PHF21B: variants seen among roughly 807,000 people sequenced by gnomAD.
PHF21B encodes PHD finger protein 4.
PHF21B carries 22 observed loss-of-function variants against 62.2 expected under a neutral mutation model. The ratio of observed to expected loss-of-function variants is 0.35; its 90% CI spans 0.25 to 0.51. The LOEUF (loss-of-function observed/expected upper bound fraction) is 0.51, where lower values mean the gene tolerates loss of function less well. PHF21B is among the 20% of genes least tolerant of loss of function. PHF21B has a pLI of 0.97. For missense variants in PHF21B, 701 were observed against 707.9 expected (o/e 0.99, Z 0.11); for synonymous variants, 341 against 314.7 (o/e 1.08, Z -0.88).
intron 5 of PHF21B, among the ~76,000 whole-genome samples, chr22:44,906,537 C>T (rs1042932622): frequency 6.6e-6 from 1 of 152,216 alleles, no homozygotes; most frequent in African/African-American, 2.4e-5. Flanking sequence ...CAGCCAGACT[C>T]ATTCAGATGC....
intron 2 of PHF21B, among the ~76,000 whole-genome samples, chr22:44,962,286 T>C (rs1173641987): frequency 8.5e-5 from 13 of 152,210 alleles, no homozygotes; most frequent in Non-Finnish European, 1.5e-5. Flanking sequence ...TAATGATCTG[T>C]AGATGTGCCT....
chr22:44,906,520 T>C (rs912866043), intron 5 of PHF21B, among the ~76,000 whole-genome samples: 4 of 152,134 alleles, frequency 2.6e-5, no homozygotes, highest in African/African-American at 9.7e-5. Context: ...GTGTACTGAT[T>C]TGAGGGCAGC....
chr22:44,934,223 C>T (rs1167233645), intron 2 of PHF21B, among the ~76,000 whole-genome samples: 3 of 152,180 alleles, frequency 2.0e-5, no homozygotes, highest in Admixed American at 6.5e-5. Context: ...TCAGGTGCCG[C>T]TGGCCCTCAC....
chr22:44,885,775 T>C lies in PHF21B; in HGVS notation c.1273+88A>G. ...GCCCTGAAGGGAATGGACCCACCTG[T>C]CCTCCCACAGGACCAGGTGAGCCCA... On this transcript the variant is annotated intron_variant, in intron 11 of 12. Coordinates refer to ENST00000313237, the MANE Select transcript of PHF21B (RefSeq NM_138415.5). The C allele has an allele frequency of 4.5e-6, 6 of 1,344,548 alleles. No homozygotes were observed. The South Asian group carries it at 7.8e-5, about 17-fold the overall frequency. The allele number at this position is 1,344,548 out of a possible 1,614,324, so 83.3% of individuals were successfully genotyped here. A position where few individuals can be genotyped will look rare whatever the true frequency, so the allele number is the denominator to read the frequency against.
At chr22:44,929,968 G>T (rs1024866277) in intron 2 of PHF21B, among the ~76,000 whole-genome samples, 1 of 152,180 alleles carries the variant, frequency 6.6e-6, no homozygotes, top group Non-Finnish European at 1.5e-5. Flanking sequence ...AGGCAAGCTG[G>T]GATCCACCCA....
rs1601564197 is a variant in PHF21B at position 44,888,130 on chromosome 22, G to C, written c.1039-9C>G. The C allele has an allele frequency of 6.6e-7, 1 of 1,517,162 alleles. No individual in the cohort carries two copies. The highest frequency in any genetic ancestry group is 8.9e-7 in the Non-Finnish European group (1 of 1,128,940). 94.0% of individuals were successfully genotyped at this position (1,517,162 alleles called of 1,614,324 possible). A position where few individuals can be genotyped will look rare whatever the true frequency, so the allele number is the denominator to read the frequency against. ...TCGTGGGTGATCTCGTTCTGGAAGAGAAGGGAGGGCAGGAGACAGGTCAGC... is the reference window on the plus strand; with the variant it reads ...TCGTGGGTGATCTCGTTCTGGAAGACAAGGGAGGGCAGGAGACAGGTCAGC... On this transcript the variant is annotated splice_polypyrimidine_tract_variant and intron_variant, in intron 9 of 12. Transcript: ENST00000313237.
rs760243400 is a variant in PHF21B at position 44,896,037 on chromosome 22, A to G, written c.878T>C (p.Leu293Ser). ...CTACCTGGATCCTTCCTTACCTTCCAAATGTTCCGTGGTAACCAGGCCTAG... is the reference window on the plus strand; with the variant it reads ...CTACCTGGATCCTTCCTTACCTTCCGAATGTTCCGTGGTAACCAGGCCTAG... ...VALGLVTTEHLEEIQSKRQER... is the reference protein window; with the variant it reads ...VALGLVTTEHSEEIQSKRQER... Residue 293 changes from leucine to serine, a missense_variant, in exon 6 of 13, where the codon TTG (leucine) becomes TCG (serine). By Grantham distance (145) the Leu-to-Ser change is moderately radical (BLOSUM62 -2). Coordinates refer to ENST00000313237, the MANE Select transcript of PHF21B (RefSeq NM_138415.5). 2 of 1,614,128 alleles carry G rather than the reference A, an allele frequency of 1.2e-6. No homozygotes were observed. The highest frequency in any genetic ancestry group is 3.3e-5 in the Admixed American group (2 of 60,028).
chr22:44,986,128 CCAGCAG>C (rs1369000397), intron 2 of PHF21B, among the ~76,000 whole-genome samples: 1 of 150,550 alleles, frequency 6.6e-6, no homozygotes, highest in Non-Finnish European at 1.5e-5. Context: ...ACAACCATCA[CCAGCAG>C]CAGCACCACC....
chr22:44,883,738 G>C (rs2070778936), intron 12 of PHF21B, among the ~76,000 whole-genome samples: 1 of 152,126 alleles, frequency 6.6e-6, no homozygotes, highest in South Asian at 2.1e-4. Flanking sequence ...ACAAGGAAAA[G>C]CAGTAAGGAC....
chr22:44,991,877 T>C (rs1259715783), intron 2 of PHF21B, among the ~76,000 whole-genome samples: 1 of 152,268 alleles, frequency 6.6e-6, no homozygotes, highest in Non-Finnish European at 1.5e-5. Flanking sequence ...CTTCACTTTC[T>C]TTGGTTTCTT....
intron 2 of PHF21B, among the ~76,000 whole-genome samples, chr22:44,959,362 T>C (rs1414701072): frequency 7.9e-5 from 12 of 152,248 alleles, no homozygotes; most frequent in Admixed American, 7.9e-4. Flanking sequence ...TGGGCCTCTT[T>C]GTGCCTTGCT....
At chr22:45,008,497 G>T in intron 2 of PHF21B, 48 bp downstream of exon 2, 1 of 1,482,498 alleles carries the variant, frequency 6.7e-7, no homozygotes. Flanking sequence ...AAAGTGCCCA[G>T]CCACCCTCCC....
intron 2 of PHF21B, among the ~76,000 whole-genome samples, chr22:44,940,437 C>T (rs370623551): frequency 1.7e-4 from 26 of 152,372 alleles, no homozygotes; most frequent in African/African-American, 5.5e-4. Context: ...GAGGCTTCAC[C>T]GCGCAGCGGG....
intron 2 of PHF21B, among the ~76,000 whole-genome samples, chr22:44,921,906 A>T (rs899383605): frequency 2.7e-5 from 4 of 150,540 alleles, no homozygotes; most frequent in African/African-American, 9.8e-5. Context: ...TGATCCACCC[A>T]CCTCGGCCTC....
In PHF21B at chr22:44,882,675, G is replaced by A. The variant is rs543143258; in HGVS notation, c.*411C>T. 3.0e-4 allele frequency: 51 copies of A among 170,446 alleles called. No homozygotes were observed. The highest frequency in any genetic ancestry group is 2.5e-3 in the Admixed American group (42 of 16,484). 10.6% of individuals were successfully genotyped at this position (170,446 alleles called of 1,614,324 possible). A position where few individuals can be genotyped will look rare whatever the true frequency, so the allele number is the denominator to read the frequency against. ...GTGTTCTCAGCTCGCCCTCCCACAG[G>A]ACACCAATAGGCGGTGCCCTCAGTG... is the stretch of plus-strand genomic sequence containing the variant. On this transcript the variant is annotated 3_prime_UTR_variant, in exon 13 of 13. Transcript: ENST00000313237.
chr22:44,883,264 C>G lies in PHF21B; in HGVS notation c.1418G>C (p.Arg473Thr). The change falls in exon 13 of 13, where the codon AGG becomes ACG. Residue 473 changes from arginine (R) to threonine (T), a missense_variant. Arg to Thr is a moderately conservative substitution (Grantham distance 71). Coordinates refer to ENST00000313237, the MANE Select transcript of PHF21B (RefSeq NM_138415.5). ...ELKTSLLARQ[R>T]GTQSSLDRLR... is the part of the protein sequence containing the mutation. ...GCGGTCCAGGGATGACTGGGTGCCC[C>G]TCTGGCGGGCCAGCAGGCTTGTCTT... is the stretch of plus-strand genomic sequence containing the variant. The G allele has an allele frequency of 6.2e-7, 1 of 1,613,912 alleles. No homozygotes were observed. Among genetic ancestry groups the G allele is most frequent in the Non-Finnish European group, 8.5e-7 (1 of 1,179,958 alleles).
chr22:44,907,826 G>A (rs74359329), intron 5 of PHF21B, among the ~76,000 whole-genome samples: 1 of 152,160 alleles, frequency 6.6e-6, no homozygotes, highest in Non-Finnish European at 1.5e-5. Context: ...AATTATTAGA[G>A]GTGGGACACA....
intron 5 of PHF21B, among the ~76,000 whole-genome samples, chr22:44,904,268 T>G (rs909014122): frequency 2.6e-5 from 4 of 151,848 alleles, no homozygotes; most frequent in Non-Finnish European, 5.9e-5. Context: ...TCCTTTTATC[T>G]GCTTTGTAAA....
chr22:44,942,618 G>A (rs1045423639), intron 2 of PHF21B, among the ~76,000 whole-genome samples: 4 of 152,278 alleles, frequency 2.6e-5, no homozygotes, highest in South Asian at 2.1e-4. Context: ...ACAGGGCACC[G>A]AGGTCTGTGG....
Sources: allele counts gnomAD v4.1 joint callset (sites outside exome capture counted in the v4.1 genomes callset), GRCh38; gene constraint gnomAD v4.1.1; transcripts MANE v1.5; gene names NCBI Gene and HGNC (gene_info 2026-07-23, HGNC 2026-07-21).